The following FAM169A variants were observed in gnomAD, a reference collection of about 807,000 sequenced individuals.
FAM169A encodes soluble lamin-associated protein of 75 kDa.
FAM169A carries 24 observed loss-of-function variants against 75.7 expected under a neutral mutation model. That is an observed-to-expected ratio of 0.32 (90% CI 0.23 to 0.45). The LOEUF (loss-of-function observed/expected upper bound fraction) is 0.45, where lower values mean the gene tolerates loss of function less well. FAM169A is among the 20% of genes least tolerant of loss of function. The pLI, the probability that FAM169A is intolerant of heterozygous loss-of-function variation, is 1.00. For missense variants in FAM169A, 673 were observed against 784.0 expected (o/e 0.86, Z 1.69); for synonymous variants, 271 against 271.0 (o/e 1.00, Z 0.00).
intron 11 of FAM169A, among the ~76,000 whole-genome samples, chr5:74,786,366 T>C (rs1745695054): frequency 6.6e-6 from 1 of 152,206 alleles, no homozygotes; most frequent in African/African-American, 2.4e-5. Flanking sequence ...GATGGAGTTC[T>C]TTCGTAGGTT....
intron 1 of FAM169A, among the ~76,000 whole-genome samples, chr5:74,847,248 T>G (rs1749202208): frequency 6.6e-6 from 1 of 152,158 alleles, no homozygotes; most frequent in African/African-American, 2.4e-5. Context: ...AACTTTTTCA[T>G]CACCCCAAAC....
chr5:74,833,895 G>A (rs1240707108), intron 5 of FAM169A, among the ~76,000 whole-genome samples: 2 of 152,150 alleles, frequency 1.3e-5, no homozygotes, highest in Admixed American at 6.5e-5. Context: ...TGGCTCTTAC[G>A]ATCAGAAACC....
At chr5:74,782,888 A>G (rs1745481783) in intron 12 of FAM169A, 43 bp downstream of exon 12, 1 of 1,483,332 alleles carries the variant, frequency 6.7e-7, no homozygotes, top group Non-Finnish European at 9.3e-7. Flanking sequence ...AATGTCACCA[A>G]CATTGGTAAA....
Position 74,781,945 on chromosome 5 carries a change from T to C in FAM169A, c.1528A>G (p.Met510Val), listed in dbSNP as rs761251851. The change falls in exon 13 of 13, where the codon ATG (methionine) becomes GTG (valine). Residue 510 changes from methionine (M) to valine (V), a missense_variant. By Grantham distance (21) the Met-to-Val change is conservative (BLOSUM62 1). Coordinates refer to ENST00000687041, the MANE Select transcript of FAM169A (RefSeq NM_001376049.1). ...DEGTSDEKGH[M>V]EEKLSLLPRK... ...GGAAGTAGGGACAATTTCTCTTCCA[T>C]GTGCCCCTTTTCATCAGATGTGCCT... 4.3e-6 allele frequency: 7 copies of C among 1,613,986 alleles called. No individual in the cohort carries two copies. Among genetic ancestry groups the C allele is most frequent in the Non-Finnish European group, 5.9e-6 (7 of 1,179,952 alleles).
Position 74,804,786 on chromosome 5 carries a change from T to C in FAM169A, c.800-181A>G, listed in dbSNP as rs557053690. ...TGCAACATTGCCATTATATACAATGTTAAATAGTTATTTTAAGTATTTAGT... is the reference window on the plus strand; with the variant it reads ...TGCAACATTGCCATTATATACAATGCTAAATAGTTATTTTAAGTATTTAGT... On this transcript the variant is annotated intron_variant, in intron 7 of 12. Transcript: ENST00000687041. Among the ~76,000 whole-genome samples the C allele has an allele frequency of 5.3e-4, 81 of 152,338 alleles. 2 individuals are homozygous for C. In the South Asian group the frequency reaches 0.016, roughly 30 times the overall value.
intron 1 of FAM169A, among the ~76,000 whole-genome samples, chr5:74,849,885 T>C (rs1030794063): frequency 5.3e-5 from 8 of 152,362 alleles, no homozygotes; most frequent in African/African-American, 1.7e-4. Context: ...GCCTCAACAC[T>C]GTTCAGCAAT....
At chr5:74,799,766 C>G in intron 10 of FAM169A, 1 of 1,124,172 alleles carries the variant, frequency 8.9e-7, no homozygotes, top group Non-Finnish European at 1.4e-6. Context: ...TCTCAGACAA[C>G]AGCGCCGTGG....
intron 5 of FAM169A, among the ~76,000 whole-genome samples, chr5:74,831,929 C>A (rs773313150): frequency 2.0e-5 from 3 of 152,056 alleles, no homozygotes; most frequent in African/African-American, 7.2e-5. Context: ...ACTCAATGTT[C>A]TTTTTCAAAA....
At chr5:74,802,664 C>T (rs965207696) in intron 8 of FAM169A, among the ~76,000 whole-genome samples, 20 of 152,104 alleles carry the variant, frequency 1.3e-4, no homozygotes, top group African/African-American at 4.8e-4. Flanking sequence ...TCTAGTTCTC[C>T]CATGTCTAAG....
At chr5:74,830,058 A>G (rs1748234417) in intron 5 of FAM169A, among the ~76,000 whole-genome samples, 1 of 152,226 alleles carries the variant, frequency 6.6e-6, no homozygotes, top group South Asian at 2.1e-4. Flanking sequence ...ATGTTCTACC[A>G]AAAGTAATTA....
chr5:74,814,084 C>T (rs1747346626), intron 5 of FAM169A, 65 bp from the exon 6 acceptor site: 1 of 1,284,836 alleles, frequency 7.8e-7, no homozygotes, highest in Non-Finnish European at 1.0e-6. Flanking sequence ...CATTTAGTGA[C>T]ATGAGTTAAC....
intron 5 of FAM169A, among the ~76,000 whole-genome samples, chr5:74,818,260 C>A (rs919774972): frequency 1.3e-5 from 2 of 151,948 alleles, no homozygotes; most frequent in African/African-American, 2.4e-5. Flanking sequence ...ATGTATCTGA[C>A]AAGGGTCTTG....
intron 1 of FAM169A, among the ~76,000 whole-genome samples, chr5:74,856,590 C>T (rs1232238138): frequency 6.6e-6 from 1 of 152,030 alleles, no homozygotes; most frequent in South Asian, 2.1e-4. Context: ...AAATAAAATA[C>T]ACTACATTGC....
intron 11 of FAM169A, among the ~76,000 whole-genome samples, chr5:74,788,908 A>G (rs1036905915): frequency 6.6e-6 from 1 of 151,914 alleles, no homozygotes; most frequent in African/African-American, 2.4e-5. Context: ...CCAAGTGGTG[A>G]CTCCAATTGC....
At chr5:74,796,789 C>T (rs958415516) in intron 10 of FAM169A, among the ~76,000 whole-genome samples, 1 of 151,804 alleles carries the variant, frequency 6.6e-6, no homozygotes, top group Non-Finnish European at 1.5e-5. Flanking sequence ...CCCAGTTTAC[C>T]TGGAGCAGTC....
chr5:74,801,636 A>AAG lies in FAM169A; in HGVS notation c.913-9_913-8dup. The AAG allele has an allele frequency of 6.2e-7, 1 of 1,607,390 alleles. No individual in the cohort carries two copies. Among genetic ancestry groups the AAG allele is most frequent in the Non-Finnish European group, 8.5e-7 (1 of 1,176,410 alleles). On this transcript the variant is annotated splice_region_variant and splice_polypyrimidine_tract_variant and intron_variant, in intron 8 of 12. Coordinates refer to ENST00000687041, the MANE Select transcript of FAM169A (RefSeq NM_001376049.1). Reference sequence around the variant, plus strand: ...CATCTTTTAGAGAATCAATCTAAAAAAGAGAGAGATTCAAACCCAAAGTTT... The same window carrying AAG: ...CATCTTTTAGAGAATCAATCTAAAAAAGAGAGAGAGATTCAAACCCAAAGTTT...
chr5:74,840,952 A>C (rs910904979), intron 2 of FAM169A, among the ~76,000 whole-genome samples: 5 of 152,224 alleles, frequency 3.3e-5, no homozygotes, highest in African/African-American at 1.2e-4. Context: ...ATTTAGAGAT[A>C]ACATTACAAT....
intron 5 of FAM169A, among the ~76,000 whole-genome samples, chr5:74,817,730 G>GTGTGAATC: frequency 6.6e-6 from 1 of 152,244 alleles, no homozygotes. Context: ...AACTTGTCAA[G>GTGTGAATC]ACTGATTCAC....
At chr5:74,827,023 A>G (rs1029596170) in intron 5 of FAM169A, among the ~76,000 whole-genome samples, 1 of 152,160 alleles carries the variant, frequency 6.6e-6, no homozygotes, top group African/African-American at 2.4e-5. Flanking sequence ...TTTCTCATGA[A>G]TGAACTGAGA....
Sources: gnomAD v4.1 joint callset for allele counts (sites outside exome capture counted in the v4.1 genomes callset) on GRCh38, gnomAD v4.1.1 for gene constraint, MANE v1.5 for transcripts, NCBI Gene and HGNC (gene_info 2026-07-23, HGNC 2026-07-21) for gene names.